The following PARD6G variants were observed in gnomAD, a reference collection of about 807,000 sequenced individuals.
PARD6G encodes partitioning defective 6 homolog gamma.
Under a neutral mutation model 10.7 loss-of-function variants are expected in PARD6G, and 7 were observed. That is an observed-to-expected ratio of 0.66 (90% confidence interval 0.37 to 1.23). The LOEUF is 1.23. Among genes scored for constraint, PARD6G ranks in the 50% most tolerant of loss-of-function variants. The pLI is 0.02. For synonymous variants in PARD6G, 287 were observed against 269.4 expected, an observed-to-expected ratio of 1.07 and a Z score of -0.64; for missense variants, 548 against 571.8, an observed-to-expected ratio of 0.96 and a Z score of 0.42.
chr18:80,239,556 G>A (rs932225005), intron 1 of PARD6G, among the ~76,000 whole-genome samples: 1 of 152,256 alleles, frequency 6.6e-6, no homozygotes, highest in Non-Finnish European at 1.5e-5. Flanking sequence ...CATAGGCCAT[G>A]GATTGGACAA....
chr18:80,160,954 TG>T (rs1483186742), intron 2 of PARD6G, among the ~76,000 whole-genome samples: 1 of 152,206 alleles, frequency 6.6e-6, no homozygotes, highest in Non-Finnish European at 1.5e-5. Flanking sequence ...CAGGCTGGAC[TG>T]GGGACTTCTT....
At position 80,182,896 on chromosome 18, in the gene PARD6G, C is replaced by T; in HGVS notation, c.295+19814G>A. Reference sequence around the variant, plus strand: ...TTATTTCTTAGTTCTAGGTACAGGGCTAGATGTTTGGCTGAAGCTGCGTGT... The same window carrying T: ...TTATTTCTTAGTTCTAGGTACAGGGTTAGATGTTTGGCTGAAGCTGCGTGT... On this transcript the variant is annotated intron_variant, in intron 2 of 2. Coordinates refer to ENST00000353265, the MANE Select transcript of PARD6G (RefSeq NM_032510.4). This position sits in a 1 kb window ranked among gnomAD's most constrained non-coding sequence, Gnocchi z 4.5. The T allele has an allele frequency of 1.7e-6, 1 of 584,096 alleles. No individual in the cohort carries two copies. The highest frequency in any genetic ancestry group is 3.1e-6 in the Non-Finnish European group (1 of 327,482). The allele number at this position is 584,096 out of a possible 1,614,324, so 36.2% of individuals were successfully genotyped here. A position where few individuals can be genotyped will look rare whatever the true frequency, so the allele number is the denominator to read the frequency against.
At chr18:80,238,874 A>C (rs1967458424) in intron 1 of PARD6G, among the ~76,000 whole-genome samples, 5 of 151,658 alleles carry the variant, frequency 3.3e-5, no homozygotes, top group Non-Finnish European at 5.9e-5. Flanking sequence ...GGGCGGGGGA[A>C]GTGGGAGGTG....
At chr18:80,215,851 G>T (rs973245713) in intron 1 of PARD6G, among the ~76,000 whole-genome samples, 1 of 151,890 alleles carries the variant, frequency 6.6e-6, no homozygotes, top group Non-Finnish European at 1.5e-5. Context: ...AACACAAATA[G>T]AAACAACAAT....
chr18:80,247,425 C>CGGG lies in PARD6G; in HGVS notation c.-78_-77insCCC. 4 of 1,241,842 alleles carry CGGG rather than the reference C, an allele frequency of 3.2e-6. No homozygotes were observed. The highest frequency in any genetic ancestry group is 4.3e-6 in the Non-Finnish European group (4 of 922,714). 76.9% of individuals were successfully genotyped at this position (1,241,842 alleles called of 1,614,324 possible). ...GAAAGACTCCCGGGGGCGGCGCCCC[C>CGGG]AGGCCCCGGCCCCGGCCCCGGCCCG... On this transcript the variant is annotated 5_prime_UTR_variant, in exon 1 of 3. Coordinates refer to ENST00000353265, the MANE Select transcript of PARD6G (RefSeq NM_032510.4). This position sits in a 1 kb window ranked among gnomAD's most constrained non-coding sequence, Gnocchi z 4.2.
intron 2 of PARD6G, among the ~76,000 whole-genome samples, chr18:80,176,960 C>G (rs1305022926): frequency 6.6e-6 from 1 of 150,512 alleles, no homozygotes; most frequent in African/African-American, 2.4e-5. Context: ...CACACACACA[C>G]AGGCATGTGC....
chr18:80,210,098 G>A (rs1030833548), intron 1 of PARD6G, among the ~76,000 whole-genome samples: 1 of 152,136 alleles, frequency 6.6e-6, no homozygotes, highest in Non-Finnish European at 1.5e-5. Context: ...GTTCCATACA[G>A]CTCTTGGTCA....
At chr18:80,205,658 C>T (rs189652600) in intron 1 of PARD6G, among the ~76,000 whole-genome samples, 1 of 152,316 alleles carries the variant, frequency 6.6e-6, no homozygotes, top group East Asian at 1.9e-4. Context: ...CCCATCTTGC[C>T]TTCTGCCATG....
chr18:80,187,079 A>G (rs1200296810), intron 2 of PARD6G, among the ~76,000 whole-genome samples: 1 of 151,748 alleles, frequency 6.6e-6, no homozygotes, highest in Non-Finnish European at 1.5e-5. Flanking sequence ...CCTGGGGGAC[A>G]GAGTAAGACT....
chr18:80,202,954 G>C (rs769880264), intron 1 of PARD6G, 22 bp from the exon 2 acceptor site: 8 of 333,846 alleles, frequency 2.4e-5, no homozygotes, highest in East Asian at 9.7e-5. Flanking sequence ...GAGACGGGGT[G>C]GGGGGAGGGG....
At chr18:80,176,969 GCA>G (rs1387087750) in intron 2 of PARD6G, among the ~76,000 whole-genome samples, 1 of 142,396 alleles carries the variant, frequency 7.0e-6, no homozygotes, top group Non-Finnish European at 1.5e-5. Flanking sequence ...ACAGGCATGT[GCA>G]CACACACACA....
In PARD6G at chr18:80,236,887, G is replaced by A. The variant is rs536722301; in HGVS notation, c.72+10390C>T. Among the ~76,000 whole-genome samples, 24 of 152,228 alleles carry A rather than the reference G, an allele frequency of 1.6e-4. No homozygotes were observed. The East Asian group carries it at 4.6e-3, about 29-fold the overall frequency. On this transcript the variant is annotated intron_variant, in intron 1 of 2. Coordinates refer to ENST00000353265, the MANE Select transcript of PARD6G (RefSeq NM_032510.4). ...ATGGAAGAACATTCCATGCTCATGGGTAGGAAGAATCAATATTGTGAAAAT... is the reference window on the plus strand; with the variant it reads ...ATGGAAGAACATTCCATGCTCATGGATAGGAAGAATCAATATTGTGAAAAT...
Position 80,198,107 on chromosome 18 carries a change from A to G in PARD6G, c.295+4603T>C, listed in dbSNP as rs538243230. Among the ~76,000 whole-genome samples the G allele has an allele frequency of 3.7e-4, 56 of 152,310 alleles. No individual in the cohort carries two copies. In the South Asian group the frequency reaches 0.011, roughly 30 times the overall value. Reference sequence around the variant, plus strand: ...CTAAGGCTGGGTCCTTTTGCCCCCAAATGCCATGTAGTCGTTGAGAGAACG... The same window carrying G: ...CTAAGGCTGGGTCCTTTTGCCCCCAGATGCCATGTAGTCGTTGAGAGAACG... On this transcript the variant is annotated intron_variant, in intron 2 of 2. Coordinates refer to ENST00000353265, the MANE Select transcript of PARD6G (RefSeq NM_032510.4).
intron 2 of PARD6G, among the ~76,000 whole-genome samples, chr18:80,172,877 TTTG>T (rs1456355098): frequency 1.3e-5 from 2 of 152,232 alleles, no homozygotes; most frequent in East Asian, 1.9e-4. Flanking sequence ...TGCTTGTGCT[TTTG>T]TTGTTATATT....
chr18:80,234,839 A>G (rs1306703615), intron 1 of PARD6G, among the ~76,000 whole-genome samples: 1 of 152,198 alleles, frequency 6.6e-6, no homozygotes, highest in Non-Finnish European at 1.5e-5. Flanking sequence ...CCAATACAGG[A>G]GCACCCAGAT....
chr18:80,160,043 T>A lies in PARD6G; in HGVS notation c.859A>T (p.Asn287Tyr). ...CTCTCCGCCTCGTCGGGGTGGAAGT[T>A]CTGCAGGACGCGCGGGGCGGGGGGA... is the stretch of plus-strand genomic sequence containing the variant. ...VGPPAPRVLQ[N>Y]FHPDEAESDE... Residue 287 changes from asparagine to tyrosine, a missense_variant, in exon 3 of 3, where the codon AAC (asparagine) becomes TAC (tyrosine). Coordinates refer to ENST00000353265, the MANE Select transcript of PARD6G (RefSeq NM_032510.4). 1 of 1,545,152 alleles carries A rather than the reference T, an allele frequency of 6.5e-7. No homozygotes were observed. Among genetic ancestry groups the A allele is most frequent in the South Asian group, 1.3e-5 (1 of 79,260 alleles).
At position 80,174,396 on chromosome 18, in the gene PARD6G, G is replaced by A. The variant is rs534206901; in HGVS notation, c.296-13790C>T. Among the ~76,000 whole-genome samples, 3 of 152,212 alleles carry A rather than the reference G, an allele frequency of 2.0e-5. No homozygotes were observed. The South Asian group carries it at 6.2e-4, about 32-fold the overall frequency. On this transcript the variant is annotated intron_variant, in intron 2 of 2. Transcript: ENST00000353265. ...GACAGCAGGGTGATCGACAACTCCT[G>A]GGCTCAAGCAATCCTCTCACCTCAG...
rs531362291 is a variant in PARD6G at position 80,182,752 on chromosome 18, C to T, written c.295+19958G>A. ...AATCCACCTGCACCATTGATTCTCTCGTGTCAGGTGCATCCACGGGGCTTA... is the reference window on the plus strand; with the variant it reads ...AATCCACCTGCACCATTGATTCTCTTGTGTCAGGTGCATCCACGGGGCTTA... On this transcript the variant is annotated intron_variant, in intron 2 of 2. Transcript: ENST00000353265. This position sits in a 1 kb window ranked among gnomAD's most constrained non-coding sequence, Gnocchi z 4.5. 4.5e-5 allele frequency: 9 copies of T among 198,454 alleles called. No homozygotes were observed. The East Asian group carries it at 7.2e-4, about 16-fold the overall frequency. The allele number at this position is 198,454 out of a possible 1,614,324, so 12.3% of individuals were successfully genotyped here.
chr18:80,216,932 T>C (rs988095563), intron 1 of PARD6G, among the ~76,000 whole-genome samples: 3 of 152,158 alleles, frequency 2.0e-5, no homozygotes, highest in African/African-American at 7.2e-5. Flanking sequence ...GGGACATTGC[T>C]ATGGGCCTTA....
Sources: gnomAD v4.1 joint callset for allele counts (sites outside exome capture counted in the v4.1 genomes callset) on GRCh38, gnomAD v4.1.1 for gene constraint, Gnocchi (gnomAD v3.1) non-coding constraint, MANE v1.5 for transcripts, NCBI Gene and HGNC (gene_info 2026-07-23, HGNC 2026-07-21) for gene names.